TMEM170B: variants seen among roughly 807,000 people sequenced by gnomAD.
The protein encoded by TMEM170B is transmembrane protein 170B.
TMEM170B carries 6 observed loss-of-function variants against 13.0 expected under a neutral mutation model. That is an observed-to-expected ratio of 0.46 (90% CI 0.25 to 0.91). The LOEUF (loss-of-function observed/expected upper bound fraction) is 0.91. Ranked by LOEUF, TMEM170B falls within the 40% of genes least tolerant of loss-of-function variation. The pLI is 0.17. For synonymous variants in TMEM170B, 61 were observed against 64.9 expected (o/e 0.94, Z 0.29); for missense variants, 138 against 165.2 (o/e 0.84, Z 0.90).
Position 11,537,849 on chromosome 6 carries a change from G to C in TMEM170B, c.-429G>C, listed in dbSNP as rs1379521995. Among the ~76,000 whole-genome samples, 1 of 151,738 alleles carries C rather than the reference G, an allele frequency of 6.6e-6. No individual in the cohort carries two copies. Among genetic ancestry groups the C allele is most frequent in the Admixed American group, 6.6e-5 (1 of 15,244 alleles). On this transcript the variant is annotated 5_prime_UTR_variant, in exon 1 of 3. Transcript: ENST00000379426. The stretch of plus-strand genomic sequence containing the variant: ...CCGTCCTCCGGCGGCGATGAGCTGG[G>C]CCCTGTCGGGGGCTGCACCTGCCGG...
At chr6:11,554,961 C>A (rs1444346196) in intron 1 of TMEM170B, among the ~76,000 whole-genome samples, 1 of 151,986 alleles carries the variant, frequency 6.6e-6, no homozygotes, top group African/African-American at 2.4e-5. Flanking sequence ...TTTATGTTTA[C>A]CTTCATTTTA....
chr6:11,543,168 A>G (rs1286631710), intron 1 of TMEM170B, among the ~76,000 whole-genome samples: 6 of 152,050 alleles, frequency 3.9e-5, no homozygotes, highest in Non-Finnish European at 5.9e-5. Flanking sequence ...CTAGACTGTG[A>G]GCTTTTTGAG....
At chr6:11,545,140 T>C (rs1341502498) in intron 1 of TMEM170B, among the ~76,000 whole-genome samples, 1 of 152,070 alleles carries the variant, frequency 6.6e-6, no homozygotes, top group African/African-American at 2.4e-5. Flanking sequence ...GGGAAAAAGA[T>C]GAGGGCTGCT....
chr6:11,538,276 A>G lies in TMEM170B; in HGVS notation c.-2A>G. The G allele has an allele frequency of 7.3e-7, 1 of 1,366,476 alleles. No homozygotes were observed. Among genetic ancestry groups the G allele is most frequent in the Non-Finnish European group, 9.5e-7 (1 of 1,056,962 alleles). 84.6% of individuals were successfully genotyped at this position (1,366,476 alleles called of 1,614,324 possible). A position where few individuals can be genotyped will look rare whatever the true frequency, so the allele number is the denominator to read the frequency against. On this transcript the variant is annotated 5_prime_UTR_variant, in exon 1 of 3. Coordinates refer to ENST00000379426, the MANE Select transcript of TMEM170B (RefSeq NM_001100829.3). ...GAGGGCGGCGGGCGCCCCTCGGGGA[A>G]GATGAAGGCGGAGGGGGGCGACCAC...
chr6:11,540,367 A>G (rs548166189), intron 1 of TMEM170B, among the ~76,000 whole-genome samples: 12 of 152,230 alleles, frequency 7.9e-5, no homozygotes, highest in Non-Finnish European at 7.3e-5. Context: ...CTAATAGTCT[A>G]AATCCTTTGT....
At chr6:11,558,161 A>G (rs1269257068) in intron 1 of TMEM170B, among the ~76,000 whole-genome samples, 1 of 152,156 alleles carries the variant, frequency 6.6e-6, no homozygotes, top group East Asian at 1.9e-4. Context: ...AATCTTTTTA[A>G]AAGGAGATAT....
intron 2 of TMEM170B, among the ~76,000 whole-genome samples, chr6:11,568,440 TA>T (rs1205987581): frequency 7.9e-5 from 12 of 152,222 alleles, no homozygotes; most frequent in Non-Finnish European, 1.3e-4. Flanking sequence ...TATATATATA[TA>T]TGTATTTATT....
chr6:11,541,496 G>A (rs1263169181), intron 1 of TMEM170B, among the ~76,000 whole-genome samples: 2 of 152,190 alleles, frequency 1.3e-5, no homozygotes, highest in African/African-American at 2.4e-5. Flanking sequence ...GAGAGTTGGG[G>A]TCTTTCTCTG....
intron 1 of TMEM170B, among the ~76,000 whole-genome samples, chr6:11,552,763 TTGAC>T (rs1193137531): frequency 1.3e-5 from 2 of 152,166 alleles, no homozygotes; most frequent in Non-Finnish European, 2.9e-5. Flanking sequence ...GAGGTAGAAT[TTGAC>T]TGTGTCAGAA....
intron 1 of TMEM170B, among the ~76,000 whole-genome samples, chr6:11,556,155 CAAAAAAAAA>C (rs1158366059): frequency 0.2 from 41 of 200 alleles, 17 homozygotes; most frequent in Admixed American, 0.4. Flanking sequence ...GACTCCGTCT[CAAAAAAAAA>C]AAAAAAAAAA....
At chr6:11,574,315 T>A (rs747924953) in intron 2 of TMEM170B, among the ~76,000 whole-genome samples, 11 of 152,186 alleles carry the variant, frequency 7.2e-5, no homozygotes, top group African/African-American at 7.2e-5. Flanking sequence ...TTGGCTTAGG[T>A]TAGTAATTTG....
Position 11,575,248 on chromosome 6 carries a change from T to G in TMEM170B, c.269-183T>G, listed in dbSNP as rs1284995764. On this transcript the variant is annotated intron_variant, in intron 2 of 2. Transcript: ENST00000379426. This position sits in a 1 kb window ranked among gnomAD's most constrained non-coding sequence, Gnocchi z 4.1. ...TCTGTTTTTCAAATAAGTGGCTAAG[T>G]GTATTATGGTAAGTTGTAACTTTCA... 6.6e-6 allele frequency among the ~76,000 whole-genome samples: 1 copy of G among 152,174 alleles called. No homozygotes were observed. The highest frequency in any genetic ancestry group is 2.4e-5 in the African/African-American group (1 of 41,440).
Position 11,565,687 on chromosome 6 carries a change from T to C in TMEM170B, c.119T>C (p.Leu40Pro), listed in dbSNP as rs1012417526. 6.2e-7 allele frequency: 1 copy of C among 1,614,198 alleles called. No homozygotes were observed. The highest frequency in any genetic ancestry group is 8.5e-7 in the Non-Finnish European group (1 of 1,180,002). Reference protein sequence around the residue: ...NLTEMWYWIFLWALFSSLFVH... With the variant: ...NLTEMWYWIFPWALFSSLFVH... Reference sequence around the variant, plus strand: ...TCAGAGATGTGGTACTGGATCTTCCTCTGGGCTCTCTTCTCTTCTCTGTTT... The same window carrying C: ...TCAGAGATGTGGTACTGGATCTTCCCCTGGGCTCTCTTCTCTTCTCTGTTT... Residue 40 changes from leucine (L) to proline (P), a missense_variant, in exon 2 of 3, where the codon CTC becomes CCC. Physicochemically the swap from Leu to Pro is moderately conservative, Grantham distance 98. Transcript: ENST00000379426.
chr6:11,543,469 T>C (rs1759389288), intron 1 of TMEM170B, among the ~76,000 whole-genome samples: 1 of 152,232 alleles, frequency 6.6e-6, no homozygotes, highest in African/African-American at 2.4e-5. Flanking sequence ...TGCTTTCATA[T>C]ATTTTGTTTA....
chr6:11,579,310 C>T lies in TMEM170B; in HGVS notation c.*3749C>T, dbSNP rs916222488. The T allele has an allele frequency of 6.6e-6, 1 of 152,180 alleles. No homozygotes were observed. The highest frequency in any genetic ancestry group is 2.4e-5 in the African/African-American group (1 of 41,438). 9.4% of individuals were successfully genotyped at this position (152,180 alleles called of 1,614,324 possible). ...TGACCTTGAGCAAATCACTTAACTT[C>T]TCTGAGCCTCAGTTCATACTCCGTA... On this transcript the variant is annotated 3_prime_UTR_variant, in exon 3 of 3. Transcript: ENST00000379426.
chr6:11,569,788 G>A (rs1759778348), intron 2 of TMEM170B, among the ~76,000 whole-genome samples: 1 of 151,960 alleles, frequency 6.6e-6, no homozygotes, highest in African/African-American at 2.4e-5. Context: ...TCATTTCCTT[G>A]TTGATTTGTA....
At chr6:11,538,414 G>T in intron 1 of TMEM170B, 40 bp downstream of exon 1, 1 of 1,401,944 alleles carries the variant, frequency 7.1e-7, no homozygotes. Flanking sequence ...GATGCGGTCC[G>T]CCCCTCTCCT....
Position 11,555,754 on chromosome 6 carries a change from G to T in TMEM170B, c.98-9912G>T, listed in dbSNP as rs79813778. 5.8e-3 allele frequency among the ~76,000 whole-genome samples: 889 copies of T among 152,218 alleles called. 3 individuals are homozygous for T. The highest frequency in any genetic ancestry group is 0.014 in the Middle Eastern group (4 of 294). On this transcript the variant is annotated intron_variant, in intron 1 of 2. Coordinates refer to ENST00000379426, the MANE Select transcript of TMEM170B (RefSeq NM_001100829.3). ...TCTGTCTGGTTATTCTACAAACTGG[G>T]CCATCTCTGACTCTGGTTCTGTAGA...
At chr6:11,570,285 T>G (rs1759783397) in intron 2 of TMEM170B, among the ~76,000 whole-genome samples, 1 of 152,180 alleles carries the variant, frequency 6.6e-6, no homozygotes, top group African/African-American at 2.4e-5. Flanking sequence ...ATCTTTTGAT[T>G]ACATTGTTTA....
Sources: gnomAD v4.1 joint callset for allele counts (sites outside exome capture counted in the v4.1 genomes callset) on GRCh38, gnomAD v4.1.1 for gene constraint, Gnocchi (gnomAD v3.1) non-coding constraint, MANE v1.5 for transcripts, NCBI Gene and HGNC (gene_info 2026-07-23, HGNC 2026-07-21) for gene names.